The following DLC1 variants were observed in gnomAD, a reference collection of about 807,000 sequenced individuals.
DLC1 encodes the protein rho GTPase-activating protein 7.
DLC1 carries 54 observed loss-of-function variants against 140.3 expected under a neutral mutation model. The observed-to-expected ratio is 0.38, with a 90% CI of 0.31 to 0.48. The LOEUF (loss-of-function observed/expected upper bound fraction) is 0.48, where lower values mean the gene tolerates loss of function less well. Among genes scored for constraint, DLC1 ranks in the 20% least tolerant of loss-of-function variants. The pLI, the probability that DLC1 is intolerant of heterozygous loss-of-function variation, is 0.96. For synonymous variants in DLC1, 986 were observed against 728.1 expected, an observed-to-expected ratio of 1.35 and a Z score of -5.70; for missense variants, 2,536 against 1,907.0, an observed-to-expected ratio of 1.33 and a Z score of -6.14.
intron 2 of DLC1, among the ~76,000 whole-genome samples, chr8:13,452,142 G>C (rs1799092747): frequency 2.0e-5 from 3 of 151,400 alleles, no homozygotes; most frequent in Non-Finnish European, 1.5e-5. Context: ...AACATTTGAA[G>C]AGTTATCTAA....
chr8:13,449,830 CT>C (rs1563356538), intron 2 of DLC1, among the ~76,000 whole-genome samples: 1 of 151,938 alleles, frequency 6.6e-6, no homozygotes, highest in South Asian at 2.1e-4. Context: ...AAAAAAAATC[CT>C]GTGTTTCCAT....
At chr8:13,185,108 G>T (rs1402743312) in intron 5 of DLC1, among the ~76,000 whole-genome samples, 12 of 143,708 alleles carry the variant, frequency 8.4e-5, no homozygotes, top group African/African-American at 3.1e-4. Flanking sequence ...CAGAGACTAG[G>T]ATTGCAACCC....
intron 5 of DLC1, among the ~76,000 whole-genome samples, chr8:13,280,353 T>A (rs1205299990): frequency 2.0e-5 from 3 of 150,338 alleles, no homozygotes; most frequent in African/African-American, 7.3e-5. Flanking sequence ...AGGTTTGCAG[T>A]TTCTTATTTC....
intron 5 of DLC1, among the ~76,000 whole-genome samples, chr8:13,222,111 G>A (rs976848974): frequency 1.3e-4 from 19 of 151,484 alleles, no homozygotes; most frequent in Non-Finnish European, 2.2e-4. Flanking sequence ...ATGTGTATTT[G>A]GCAAACTTTG....
At chr8:13,354,829 A>G (rs1006327565) in intron 4 of DLC1, among the ~76,000 whole-genome samples, 5 of 151,774 alleles carry the variant, frequency 3.3e-5, no homozygotes, top group Admixed American at 3.3e-4. Context: ...CATGCCTGTA[A>G]TCCCAGCTGT....
At chr8:13,544,152 TTCTC>T (rs968963887) in intron 1 of DLC1, among the ~76,000 whole-genome samples, 4 of 151,276 alleles carry the variant, frequency 2.6e-5, no homozygotes, top group African/African-American at 7.3e-5. Flanking sequence ...AAAATAATTT[TTCTC>T]TCTCTCTCCT....
intron 5 of DLC1, chr8:13,214,499 G>A (rs1585924702): frequency 1.5e-6 from 1 of 667,646 alleles, no homozygotes; most frequent in South Asian, 1.8e-5. Flanking sequence ...CTTATCATTG[G>A]TGAAACTGGC....
intron 5 of DLC1, among the ~76,000 whole-genome samples, chr8:13,221,402 G>A (rs1487088653): frequency 6.1e-5 from 9 of 147,088 alleles, no homozygotes; most frequent in African/African-American, 2.3e-4. Context: ...ACGGAGCCTT[G>A]CTCTGTCACC....
chr8:13,402,962 G>A (rs75763281), intron 2 of DLC1, among the ~76,000 whole-genome samples: 6,790 of 152,204 alleles, frequency 0.045, 195 homozygotes, highest in Non-Finnish European at 0.072. Context: ...CGGATAATTG[G>A]TTAATCAGAT....
intron 5 of DLC1, among the ~76,000 whole-genome samples, chr8:13,268,855 C>T (rs1830797102): frequency 6.6e-6 from 1 of 151,546 alleles, no homozygotes; most frequent in African/African-American, 2.4e-5. Flanking sequence ...TCTACCCCTC[C>T]CATCTGTGCT....
intron 5 of DLC1, among the ~76,000 whole-genome samples, chr8:13,263,596 ATG>A (rs1297475853): frequency 6.6e-6 from 1 of 150,732 alleles, no homozygotes; most frequent in Non-Finnish European, 1.5e-5. Flanking sequence ...ATCTGTACAT[ATG>A]TGTTTATAAA....
chr8:13,144,814 A>G (rs1269723554), intron 5 of DLC1, among the ~76,000 whole-genome samples: 1 of 152,188 alleles, frequency 6.6e-6, no homozygotes, highest in Non-Finnish European at 1.5e-5. Flanking sequence ...CTATCTATTT[A>G]TCTGTCCTAC....
intron 4 of DLC1, chr8:13,342,834 G>A (rs1030707456): frequency 2.2e-5 from 1 of 46,224 alleles, no homozygotes; most frequent in South Asian, 1.2e-3. Context: ...CATCAGTTGT[G>A]CTTCTCTCTC....
intron 5 of DLC1, among the ~76,000 whole-genome samples, chr8:13,235,979 G>A (rs1829257738): frequency 1.8e-5 from 1 of 56,172 alleles, no homozygotes; most frequent in Non-Finnish European, 3.6e-5. Context: ...AAGGCAAAGT[G>A]AAATTTAAAA....
chr8:13,521,358 C>T (rs541906254), intron 1 of DLC1, among the ~76,000 whole-genome samples: 5 of 151,834 alleles, frequency 3.3e-5, no homozygotes, highest in African/African-American at 1.2e-4. Flanking sequence ...CACACATTTA[C>T]CTATGTAACA....
chr8:13,420,061 C>T (rs1479404546), intron 2 of DLC1, among the ~76,000 whole-genome samples: 2 of 151,994 alleles, frequency 1.3e-5, no homozygotes, highest in Non-Finnish European at 2.9e-5. Flanking sequence ...GTGGTGATAT[C>T]CCCTTTATCA....
At chr8:13,564,372 T>A (rs1054357269) in intron 1 of DLC1, among the ~76,000 whole-genome samples, 1 of 152,204 alleles carries the variant, frequency 6.6e-6, no homozygotes, top group Non-Finnish European at 1.5e-5. Context: ...CTTGTCACAT[T>A]CAACTTAGCC....
intron 5 of DLC1, among the ~76,000 whole-genome samples, chr8:13,249,615 T>A (rs1340693555): frequency 6.6e-6 from 1 of 152,192 alleles, no homozygotes; most frequent in East Asian, 1.9e-4. Flanking sequence ...TTTCTCAGAC[T>A]TCCAACCTAT....
At chr8:13,285,887 C>T (rs1831519861) in intron 5 of DLC1, among the ~76,000 whole-genome samples, 1 of 152,086 alleles carries the variant, frequency 6.6e-6, no homozygotes, top group Non-Finnish European at 1.5e-5. Context: ...CAGAGATCAG[C>T]TCAGTGCTTG....
Sources: gnomAD v4.1 joint callset for allele counts (sites outside exome capture counted in the v4.1 genomes callset) on GRCh38, gnomAD v4.1.1 for gene constraint, MANE v1.5 for transcripts, NCBI Gene and HGNC (gene_info 2026-07-23, HGNC 2026-07-21) for gene names.